Variants in MLLT3 observed in about 807,000 individuals in gnomAD.
The protein encoded by MLLT3 is MLLT3 super elongation complex subunit.
A neutral mutation model predicts 53.2 loss-of-function variants in MLLT3; 4 were observed. The ratio of observed to expected loss-of-function variants is 0.08; its 90% CI spans 0.04 to 0.17. The LOEUF is 0.17. Ranked by LOEUF, MLLT3 falls within the 10% of genes least tolerant of loss-of-function variation. MLLT3 has a pLI of 1.00. For missense variants in MLLT3, 569 were observed against 684.0 expected, an observed-to-expected ratio of 0.83 and a Z score of 1.87; for synonymous variants, 283 against 230.6, an observed-to-expected ratio of 1.23 and a Z score of -2.06.
chr9:20,585,430 A>G (rs12001516), intron 2 of MLLT3, among the ~76,000 whole-genome samples: 4,582 of 152,256 alleles, frequency 0.03, 175 homozygotes, highest in East Asian at 0.14. Context: ...TGAATTTGGT[A>G]GGGGCACAAA....
At chr9:20,547,531 C>T (rs1818818399) in intron 2 of MLLT3, among the ~76,000 whole-genome samples, 1 of 151,496 alleles carries the variant, frequency 6.6e-6, no homozygotes, top group Non-Finnish European at 1.5e-5. Flanking sequence ...GTAATCCCAG[C>T]TACTCGGGAG....
chr9:20,341,784 G>T lies in MLLT3; in HGVS notation c.*4659C>A. On this transcript the variant is annotated 3_prime_UTR_variant, in exon 11 of 11. Coordinates refer to ENST00000380338, the MANE Select transcript of MLLT3 (RefSeq NM_004529.4). Reference sequence around the variant, plus strand: ...GTAAATGCAGGGACTTTGTAAGATCGACTCTCTCTGGCTATAGCACATTGT... The same window carrying T: ...GTAAATGCAGGGACTTTGTAAGATCTACTCTCTCTGGCTATAGCACATTGT... 1 of 197,808 alleles carries T rather than the reference G, an allele frequency of 5.1e-6. No homozygotes were observed. The highest frequency in any genetic ancestry group is 1.0e-5 in the Non-Finnish European group (1 of 95,722). 12.3% of individuals were successfully genotyped at this position (197,808 alleles called of 1,614,324 possible).
chr9:20,521,414 CAA>C (rs748391969), intron 2 of MLLT3, among the ~76,000 whole-genome samples: 2 of 151,618 alleles, frequency 1.3e-5, no homozygotes, highest in East Asian at 1.9e-4. Context: ...ATTTGTTCCT[CAA>C]AAAAAGAGTC....
chr9:20,405,494 A>G (rs950213422), intron 5 of MLLT3, among the ~76,000 whole-genome samples: 13 of 152,226 alleles, frequency 8.5e-5, no homozygotes, highest in South Asian at 2.1e-4. Context: ...GGTACAATAC[A>G]AGAAGCATGA....
intron 2 of MLLT3, among the ~76,000 whole-genome samples, chr9:20,501,777 A>AG (rs1229748903): frequency 6.7e-6 from 1 of 148,986 alleles, no homozygotes; most frequent in African/African-American, 2.5e-5. Context: ...AAAAAAAAAA[A>AG]AAAAAAAAAC....
chr9:20,605,423 TA>T (rs1299552731), intron 2 of MLLT3, among the ~76,000 whole-genome samples: 1 of 151,990 alleles, frequency 6.6e-6, no homozygotes, highest in Non-Finnish European at 1.5e-5. Context: ...AGAATGTGAA[TA>T]ACGGAAACAA....
chr9:20,520,929 T>A (rs1257049939), intron 2 of MLLT3, among the ~76,000 whole-genome samples: 2 of 152,184 alleles, frequency 1.3e-5, no homozygotes, highest in African/African-American at 4.8e-5. Flanking sequence ...GCAGGACATG[T>A]AGAATAGTGG....
chr9:20,385,444 T>A (rs1276428309), intron 5 of MLLT3, among the ~76,000 whole-genome samples: 1 of 152,200 alleles, frequency 6.6e-6, no homozygotes, highest in Non-Finnish European at 1.5e-5. Context: ...AGGATTATGG[T>A]GCTTTTTATT....
At chr9:20,408,719 CCTT>C (rs950104685) in intron 5 of MLLT3, among the ~76,000 whole-genome samples, 62 of 152,272 alleles carry the variant, frequency 4.1e-4, no homozygotes, top group African/African-American at 1.5e-3. Context: ...ACAATAAAGA[CCTT>C]CTTCTCTGAC....
intron 2 of MLLT3, among the ~76,000 whole-genome samples, chr9:20,481,133 G>A (rs1824652097): frequency 6.6e-6 from 1 of 152,112 alleles, no homozygotes; most frequent in South Asian, 2.1e-4. Flanking sequence ...CTAAGAATGG[G>A]CAAACTATTG....
rs1168959741 is a variant in MLLT3, at chr9:20,562,479, CATAAAT to C, written c.193+58169_193+58174del. ...ACTAACAGATTTTAATAAACTACTTCATAAATATAAACAACCCACCAATGGACCCTT... is the reference window on the plus strand; with the variant it reads ...ACTAACAGATTTTAATAAACTACTTCATAAACAACCCACCAATGGACCCTT... On this transcript the variant is annotated intron_variant, in intron 2 of 10. Coordinates refer to ENST00000380338, the MANE Select transcript of MLLT3 (RefSeq NM_004529.4). Among the ~76,000 whole-genome samples, 6 of 152,178 alleles carry C rather than the reference CATAAAT, an allele frequency of 3.9e-5. No individual in the cohort carries two copies. In the East Asian group the frequency reaches 9.6e-4, roughly 24 times the overall value.
intron 2 of MLLT3, among the ~76,000 whole-genome samples, chr9:20,541,864 T>C (rs1274059254): frequency 2.0e-5 from 3 of 152,212 alleles, no homozygotes; most frequent in Non-Finnish European, 2.9e-5. Flanking sequence ...ACCTACCATA[T>C]CTGCAGTCAT....
At chr9:20,615,466 A>T (rs775149844) in intron 2 of MLLT3, among the ~76,000 whole-genome samples, 2 of 151,884 alleles carry the variant, frequency 1.3e-5, no homozygotes, top group Non-Finnish European at 2.9e-5. Context: ...TTTTCTGAAA[A>T]CAATTTTGTT....
intron 2 of MLLT3, among the ~76,000 whole-genome samples, chr9:20,535,333 T>C (rs1029156008): frequency 1.3e-5 from 2 of 151,988 alleles, no homozygotes; most frequent in African/African-American, 4.8e-5. Flanking sequence ...CCATGGAAAA[T>C]TGTCTTCCAT....
Position 20,620,829 on chromosome 9 carries a change from G to C in MLLT3, c.18C>G (p.Ala6=). The change falls in exon 2 of 11, where the codon GCC becomes GCG. Residue 6 remains alanine, a synonymous_variant. Transcript: ENST00000380338. This position sits in a 1 kb window ranked among gnomAD's most constrained non-coding sequence, Gnocchi z 6.1. ...GCCCCAGCTCCAGCTTCACCTGCAC[G>C]GCACACTGCGGGCAGGGGGAGGAGA... MASSC[A]VQVKLELGHR... 1 of 1,614,086 alleles carries C rather than the reference G, an allele frequency of 6.2e-7. No homozygotes were observed. The highest frequency in any genetic ancestry group is 8.5e-7 in the Non-Finnish European group (1 of 1,179,988).
Position 20,342,178 on chromosome 9 carries a change from C to G in MLLT3, c.*4265G>C, listed in dbSNP as rs938651421. 1 of 217,124 alleles carries G rather than the reference C, an allele frequency of 4.6e-6. No individual in the cohort carries two copies. Among genetic ancestry groups the G allele is most frequent in the African/African-American group, 2.2e-5 (1 of 44,478 alleles). 13.4% of individuals were successfully genotyped at this position (217,124 alleles called of 1,614,324 possible). On this transcript the variant is annotated 3_prime_UTR_variant, in exon 11 of 11. Coordinates refer to ENST00000380338, the MANE Select transcript of MLLT3 (RefSeq NM_004529.4). ...TTTGGTCAAATGACTCTCAGCAAAT[C>G]AGTACAATTATACATTTTAAAAAAG...
chr9:20,394,702 G>A (rs1822274507), intron 5 of MLLT3, among the ~76,000 whole-genome samples: 1 of 152,178 alleles, frequency 6.6e-6, no homozygotes, highest in East Asian at 1.9e-4. Context: ...GACACTGGCT[G>A]TAAGATACAC....
intron 2 of MLLT3, among the ~76,000 whole-genome samples, chr9:20,518,367 C>CA (rs1025296559): frequency 7.9e-5 from 12 of 151,548 alleles, no homozygotes; most frequent in African/African-American, 2.4e-4. Context: ...AACAAACAAA[C>CA]AAAAAAAGGC....
chr9:20,500,524 T>C (rs913206967), intron 2 of MLLT3, among the ~76,000 whole-genome samples: 4 of 152,180 alleles, frequency 2.6e-5, no homozygotes, highest in Non-Finnish European at 5.9e-5. Context: ...GAGAAGAGCA[T>C]GTGGGTGAAA....
Sources: allele counts gnomAD v4.1 joint callset (sites outside exome capture counted in the v4.1 genomes callset), GRCh38; gene constraint gnomAD v4.1.1; non-coding constraint Gnocchi (gnomAD v3.1); transcripts MANE v1.5; gene names NCBI Gene and HGNC (gene_info 2026-07-23, HGNC 2026-07-21).